The following TRAF3 variants were observed in gnomAD, a reference collection of about 807,000 sequenced individuals.
The protein encoded by TRAF3 is TNF receptor-associated factor 3.
TRAF3 carries 13 observed loss-of-function variants against 62.3 expected under a neutral mutation model. The ratio of observed to expected loss-of-function variants is 0.21; its 90% CI spans 0.14 to 0.33. The LOEUF is 0.33. TRAF3 is among the 10% of genes least tolerant of loss of function. TRAF3 has a pLI of 1.00. For synonymous variants in TRAF3, 269 were observed against 283.4 expected (o/e 0.95, Z 0.51); for missense variants, 440 against 741.8 (o/e 0.59, Z 4.73).
At chr14:102,846,638 T>TAAAAAAAAAAAAAAAAAAAAA (rs752922791) in intron 2 of TRAF3, among the ~76,000 whole-genome samples, 2 of 71,786 alleles carry the variant, frequency 2.8e-5, no homozygotes, top group African/African-American at 1.3e-4. Flanking sequence ...TCCAGCTTCT[T>TAAAAAAAAAAAAAAAAAAAAA]AAAAAAAAAA....
intron 1 of TRAF3, among the ~76,000 whole-genome samples, chr14:102,788,055 T>C (rs1418947282): frequency 6.6e-6 from 1 of 151,612 alleles, no homozygotes; most frequent in Non-Finnish European, 1.5e-5. Context: ...GGTTTCACCA[T>C]TGTTGACCAG....
At chr14:102,785,267 C>A (rs535205494) in intron 1 of TRAF3, among the ~76,000 whole-genome samples, 7 of 152,314 alleles carry the variant, frequency 4.6e-5, no homozygotes, top group African/African-American at 1.7e-4. Context: ...TCCGTTCCAT[C>A]TCTGGCGTAA....
chr14:102,814,338 C>T (rs76217613), intron 1 of TRAF3, among the ~76,000 whole-genome samples: 152 of 152,252 alleles, frequency 1.0e-3, no homozygotes, highest in African/African-American at 3.6e-3. Context: ...TTGCTTACTA[C>T]AGCTTTGTAG....
In TRAF3 at chr14:102,909,092, A is replaced by T. The variant is rs1566816883; in HGVS notation, c.*3308A>T. The stretch of plus-strand genomic sequence containing the variant: ...CTCAGTGAGGGTGTGGAAGTGGGGG[A>T]CCCACGGGGCCTGGCTTTGGGACTA... On this transcript the variant is annotated 3_prime_UTR_variant, in exon 12 of 12. Coordinates refer to ENST00000392745, the MANE Select transcript of TRAF3 (RefSeq NM_145725.3). 6.6e-6 allele frequency: 1 copy of T among 152,202 alleles called. No individual in the cohort carries two copies. Among genetic ancestry groups the T allele is most frequent in the Non-Finnish European group, 1.5e-5 (1 of 68,150 alleles). The allele number at this position is 152,202 out of a possible 1,614,324, so 9.4% of individuals were successfully genotyped here.
chr14:102,857,917 A>G (rs974055629), intron 2 of TRAF3, among the ~76,000 whole-genome samples: 2 of 152,232 alleles, frequency 1.3e-5, no homozygotes, highest in Non-Finnish European at 2.9e-5. Flanking sequence ...GTAGAGAAAA[A>G]CAAATATGCT....
At chr14:102,827,988 ATTCCCGCAGG>A in intron 1 of TRAF3, among the ~76,000 whole-genome samples, 1 of 152,360 alleles carries the variant, frequency 6.6e-6, no homozygotes, top group East Asian at 1.9e-4. Context: ...AGATGTGCAG[ATTCCCGCAGG>A]GCGTACCTGA....
intron 5 of TRAF3, 80 bp from the exon 6 acceptor site, chr14:102,876,278 A>AT: frequency 2.0e-6 from 3 of 1,503,966 alleles, no homozygotes; most frequent in Non-Finnish European, 9.2e-7. Flanking sequence ...TTAGGGTTTC[A>AT]TTGCATAGAG....
intron 1 of TRAF3, among the ~76,000 whole-genome samples, chr14:102,790,451 T>C (rs1210816521): frequency 1.3e-5 from 2 of 152,204 alleles, no homozygotes; most frequent in Admixed American, 1.3e-4. Flanking sequence ...GACAGGGTAA[T>C]TTATAAAGAA....
chr14:102,829,594 G>A (rs1470240543), intron 1 of TRAF3, among the ~76,000 whole-genome samples: 4 of 152,200 alleles, frequency 2.6e-5, no homozygotes, highest in East Asian at 1.9e-4. Context: ...AGTTGCAGCC[G>A]CATGTGCTGG....
intron 1 of TRAF3, among the ~76,000 whole-genome samples, chr14:102,781,545 A>G (rs1897272399): frequency 6.6e-6 from 1 of 152,214 alleles, no homozygotes; most frequent in African/African-American, 2.4e-5. Context: ...CTGTGGTCCC[A>G]GTTACTCCAG....
At chr14:102,871,832 C>CTTTA in intron 3 of TRAF3, 85 bp from the exon 4 acceptor site, 1 of 1,321,864 alleles carries the variant, frequency 7.6e-7, no homozygotes, top group South Asian at 1.2e-5. Context: ...CAGACCTGAC[C>CTTTA]ATAAAGTGAA....
chr14:102,862,979 A>G (rs780208438), intron 2 of TRAF3, among the ~76,000 whole-genome samples: 14 of 151,870 alleles, frequency 9.2e-5, no homozygotes, highest in Non-Finnish European at 2.1e-4. Flanking sequence ...TTTCTTTATC[A>G]ATATTTTCTA....
At chr14:102,811,728 AGTGTGT>A (rs146439927) in intron 1 of TRAF3, among the ~76,000 whole-genome samples, 3,544 of 138,502 alleles carry the variant, frequency 0.026, 82 homozygotes, top group Middle Eastern at 0.1. Flanking sequence ...CTACAGCAGT[AGTGTGT>A]GTGTGTGTGT....
intron 1 of TRAF3, among the ~76,000 whole-genome samples, chr14:102,811,657 A>G (rs1899161328): frequency 6.8e-6 from 1 of 147,200 alleles, no homozygotes; most frequent in South Asian, 2.1e-4. Context: ...CAGTCTCTCA[A>G]TTTGACTCTC....
At chr14:102,825,431 C>A (rs1185394411) in intron 1 of TRAF3, among the ~76,000 whole-genome samples, 1 of 152,212 alleles carries the variant, frequency 6.6e-6, no homozygotes, top group Non-Finnish European at 1.5e-5. Flanking sequence ...TTCTGCCACC[C>A]CTTGGAGGCA....
At position 102,792,113 on chromosome 14, in the gene TRAF3, C is replaced by CTTTTTTTTTTTTT. The variant is rs35895214; in HGVS notation, c.-157+14453_-157+14465dup. On this transcript the variant is annotated intron_variant, in intron 1 of 11. Transcript: ENST00000392745. ...ACAGGTGCGAGCCACTGTGCCTGGA[C>CTTTTTTTTTTTTT]TTTTTTTTTTTTTTTTTTTTTTTTT... Among the ~76,000 whole-genome samples the CTTTTTTTTTTTTT allele has an allele frequency of 2.3e-4, 22 of 97,702 alleles. 11 individuals are homozygous for CTTTTTTTTTTTTT. The highest frequency in any genetic ancestry group is 3.4e-4 in the African/African-American group (8 of 23,854). The allele number at this position is 97,702 out of a possible 152,430, so 64.1% of individuals were successfully genotyped here.
chr14:102,777,726 C>G (rs1485851164), intron 1 of TRAF3, 51 bp downstream of exon 1: 1 of 144,874 alleles, frequency 6.9e-6, no homozygotes, highest in African/African-American at 2.5e-5. Flanking sequence ...CCGGGCGCCT[C>G]CATCCCCGTC....
At chr14:102,873,717 C>G (rs1888477779) in intron 4 of TRAF3, among the ~76,000 whole-genome samples, 1 of 152,134 alleles carries the variant, frequency 6.6e-6, no homozygotes, top group African/African-American at 2.4e-5. Context: ...CAGATCCTTT[C>G]CATTCCAAAG....
At chr14:102,872,193 C>T (rs1297861180) in intron 4 of TRAF3, among the ~76,000 whole-genome samples, 1 of 152,196 alleles carries the variant, frequency 6.6e-6, no homozygotes, top group African/African-American at 2.4e-5. Flanking sequence ...AGCTACTTCA[C>T]CCCCTCACCT....
Sources: gnomAD v4.1 joint callset for allele counts (sites outside exome capture counted in the v4.1 genomes callset) on GRCh38, gnomAD v4.1.1 for gene constraint, MANE v1.5 for transcripts, NCBI Gene and HGNC (gene_info 2026-07-23, HGNC 2026-07-21) for gene names.